The following PHETA1 variants were observed in gnomAD, a reference collection of about 807,000 sequenced individuals.
PHETA1 encodes the protein sesquipedalian-1.
For synonymous variants in PHETA1, 155 were observed against 168.9 expected, an observed-to-expected ratio of 0.92 and a Z score of 0.64; for missense variants, 348 against 373.5, an observed-to-expected ratio of 0.93 and a Z score of 0.56.
intron 1 of PHETA1, among the ~76,000 whole-genome samples, chr12:111,366,997 G>T (rs559656547): frequency 1.3e-5 from 2 of 150,834 alleles, no homozygotes; most frequent in South Asian, 4.2e-4. Flanking sequence ...GAACTTGGGG[G>T]GTGACATAGT....
chr12:111,362,802 C>A lies in PHETA1; in HGVS notation c.626G>T (p.Arg209Leu). The change falls in exon 3 of 3, where the codon CGC (arginine) becomes CTC (leucine). Residue 209 changes from arginine to leucine, a missense_variant. By Grantham distance (102) the Arg-to-Leu change is moderately radical. Transcript: ENST00000683047. ...PGPEPPPPPP[R>L]RRASAPHGPL... ...CCCGTGGGGTGCCGAGGCCCGGCGGCGAGGCGGTGGTGGAGGGGGCTCGGG... is the reference window on the plus strand; with the variant it reads ...CCCGTGGGGTGCCGAGGCCCGGCGGAGAGGCGGTGGTGGAGGGGGCTCGGG... 1 of 1,538,766 alleles carries A rather than the reference C, an allele frequency of 6.5e-7. No homozygotes were observed. Among genetic ancestry groups the A allele is most frequent in the Non-Finnish European group, 8.7e-7 (1 of 1,145,142 alleles).
rs1868619232 is a variant in PHETA1, at chr12:111,361,790, T to C, written c.*888A>G. 3 of 419,904 alleles carry C rather than the reference T, an allele frequency of 7.1e-6. No individual in the cohort carries two copies. The highest frequency in any genetic ancestry group is 5.4e-5 in the Admixed American group (2 of 36,922). The allele number at this position is 419,904 out of a possible 1,614,324, so 26.0% of individuals were successfully genotyped here. ...GAGTCAGCTGGTGGCCTCCCCTCCC[T>C]GGGGGAACCTGCTAGAAGGTCACCT... is the stretch of plus-strand genomic sequence containing the variant. On this transcript the variant is annotated 3_prime_UTR_variant, in exon 3 of 3. Coordinates refer to ENST00000683047, the MANE Select transcript of PHETA1 (RefSeq NM_144671.6).
chr12:111,364,263 C>G (rs1395252383), intron 2 of PHETA1, among the ~76,000 whole-genome samples: 1 of 151,692 alleles, frequency 6.6e-6, no homozygotes, highest in African/African-American at 2.4e-5. Flanking sequence ...AGGAGAATCA[C>G]CTAAACCCAG....
Position 111,362,863 on chromosome 12 carries a change from C to T in PHETA1, c.565G>A (p.Ala189Thr), listed in dbSNP as rs1268567999. The T allele has an allele frequency of 5.9e-6, 9 of 1,536,390 alleles. No individual in the cohort carries two copies. Among genetic ancestry groups the T allele is most frequent in the Non-Finnish European group, 4.4e-6 (5 of 1,145,134 alleles). ...AAGGTGGCCTCAGTGCTCCAGACAG[C>T]GCAGCCATTCTCCTTGGGCGGGAGG... ...SALPPKENGC[A>T]VWSTEATFRP... is the part of the protein sequence containing the mutation. The change falls in exon 3 of 3, where the codon GCT (alanine) becomes ACT (threonine). Residue 189 changes from alanine to threonine, a missense_variant. By Grantham distance (58) the Ala-to-Thr change is moderately conservative. Transcript: ENST00000683047.
chr12:111,365,079 A>G (rs981372206), intron 2 of PHETA1, among the ~76,000 whole-genome samples: 10 of 152,130 alleles, frequency 6.6e-5, no homozygotes, highest in Admixed American at 5.2e-4. Context: ...TCCCCCAAGG[A>G]GTATATGATG....
rs2135511930 is a variant in PHETA1 at position 111,368,895 on chromosome 12, C to G, written c.-182+17G>C. 6.6e-6 allele frequency: 1 copy of G among 152,406 alleles called. No homozygotes were observed. The highest frequency in any genetic ancestry group is 1.5e-5 in the Non-Finnish European group (1 of 68,088). The allele number at this position is 152,406 out of a possible 1,614,324, so 9.4% of individuals were successfully genotyped here. On this transcript the variant is annotated intron_variant, in intron 1 of 2. Transcript: ENST00000683047. This position sits in a 1 kb window ranked among gnomAD's most constrained non-coding sequence, Gnocchi z 5.0. ...TCCCATGTCCTCGTGCATGTCCCCC[C>G]GCCAGGCCCGCCTTACCTCGCAGCG...
chr12:111,363,730 G>A lies in PHETA1; in HGVS notation c.-36-267C>T. 3 of 1,502,436 alleles carry A rather than the reference G, an allele frequency of 2.0e-6. No homozygotes were observed. In the South Asian group the frequency reaches 3.6e-5, roughly 18 times the overall value. 93.1% of individuals were successfully genotyped at this position (1,502,436 alleles called of 1,614,324 possible). ...ATAATGTTGTGAGTTCCTGCTGCAT[G>A]CCAGACATTTCAGAGGAATGAACTC... is the stretch of plus-strand genomic sequence containing the variant. On this transcript the variant is annotated intron_variant, in intron 2 of 2. Transcript: ENST00000683047. The surrounding 1 kb of genome is among the most constrained non-coding windows in gnomAD (Gnocchi z 7.4).
rs1013818728 is a variant in PHETA1 at position 111,361,075 on chromosome 12, CCT to C, written c.*1601_*1602del. 1 of 152,178 alleles carries C rather than the reference CCT, an allele frequency of 6.6e-6. No homozygotes were observed. Among genetic ancestry groups the C allele is most frequent in the Non-Finnish European group, 1.5e-5 (1 of 68,096 alleles). 9.4% of individuals were successfully genotyped at this position (152,178 alleles called of 1,614,324 possible). A position where few individuals can be genotyped will look rare whatever the true frequency, so the allele number is the denominator to read the frequency against. ...GAAGACAATGAAGCAGCCAAGGATC[CCT>C]CTCGAGGGGCTCTGTCTCTGGCTGT... On this transcript the variant is annotated 3_prime_UTR_variant, in exon 3 of 3. Coordinates refer to ENST00000683047, the MANE Select transcript of PHETA1 (RefSeq NM_144671.6).
At position 111,362,431 on chromosome 12, in the gene PHETA1, T is replaced by G; in HGVS notation, c.*247A>C. 9 of 1,026,024 alleles carry G rather than the reference T, an allele frequency of 8.8e-6. No individual in the cohort carries two copies. The highest frequency in any genetic ancestry group is 1.1e-5 in the Non-Finnish European group (8 of 729,600). 63.6% of individuals were successfully genotyped at this position (1,026,024 alleles called of 1,614,324 possible). ...GGAAACCTCCCCCTCAGGCCCTGGATTCTCCTTAGTGTTGCACGTGACGTT... is the reference window on the plus strand; with the variant it reads ...GGAAACCTCCCCCTCAGGCCCTGGAGTCTCCTTAGTGTTGCACGTGACGTT... On this transcript the variant is annotated 3_prime_UTR_variant, in exon 3 of 3. Transcript: ENST00000683047.
At position 111,367,702 on chromosome 12, in the gene PHETA1, C is replaced by T. The variant is rs1869115716; in HGVS notation, c.-182+1210G>A. 6.6e-6 allele frequency among the ~76,000 whole-genome samples: 1 copy of T among 152,246 alleles called. No individual in the cohort carries two copies. The highest frequency in any genetic ancestry group is 1.5e-5 in the Non-Finnish European group (1 of 68,040). On this transcript the variant is annotated intron_variant, in intron 1 of 2. Transcript: ENST00000683047. This position sits in a 1 kb window ranked among gnomAD's most constrained non-coding sequence, Gnocchi z 4.0. Reference sequence around the variant, plus strand: ...GGTCACCAGCAGGCACAGGACCCAGCTCTGCCCATGACCCCTGCCTCCACC... The same window carrying T: ...GGTCACCAGCAGGCACAGGACCCAGTTCTGCCCATGACCCCTGCCTCCACC...
Position 111,361,994 on chromosome 12 carries a change from T to A in PHETA1, c.*684A>T, listed in dbSNP as rs1868634748. The A allele has an allele frequency of 2.2e-6, 1 of 455,870 alleles. No individual in the cohort carries two copies. The highest frequency in any genetic ancestry group is 1.5e-5 in the South Asian group (1 of 64,546). The allele number at this position is 455,870 out of a possible 1,614,324, so 28.2% of individuals were successfully genotyped here. A position where few individuals can be genotyped will look rare whatever the true frequency, so the allele number is the denominator to read the frequency against. ...GCCACTGCCACCAGGAGCACCACCA[T>A]GAGGCCTGGCAGGGGACTTTTGGCA... On this transcript the variant is annotated 3_prime_UTR_variant, in exon 3 of 3. Transcript: ENST00000683047.
Position 111,367,816 on chromosome 12 carries a change from T to G in PHETA1, c.-182+1096A>C, listed in dbSNP as rs1055607652. Among the ~76,000 whole-genome samples, 1 of 152,284 alleles carries G rather than the reference T, an allele frequency of 6.6e-6. No homozygotes were observed. Among genetic ancestry groups the G allele is most frequent in the African/African-American group, 2.4e-5 (1 of 41,562 alleles). The stretch of plus-strand genomic sequence containing the variant: ...GCCCCTGCCTTATCTCCCCACACTG[T>G]TTTCCAAGAAGTTCAGAGTCCACTG... On this transcript the variant is annotated intron_variant, in intron 1 of 2. Coordinates refer to ENST00000683047, the MANE Select transcript of PHETA1 (RefSeq NM_144671.6). The surrounding 1 kb of genome is among the most constrained non-coding windows in gnomAD (Gnocchi z 4.0).
At position 111,361,803 on chromosome 12, in the gene PHETA1, T is replaced by C; in HGVS notation, c.*875A>G. ...GCCTCCCCTCCCTGGGGGAACCTGC[T>C]AGAAGGTCACCTCGGGCCATGGCTA... On this transcript the variant is annotated 3_prime_UTR_variant, in exon 3 of 3. Transcript: ENST00000683047. The C allele has an allele frequency of 2.3e-6, 1 of 440,890 alleles. No homozygotes were observed. The highest frequency in any genetic ancestry group is 1.6e-5 in the South Asian group (1 of 63,284). The allele number at this position is 440,890 out of a possible 1,614,324, so 27.3% of individuals were successfully genotyped here. A position where few individuals can be genotyped will look rare whatever the true frequency, so the allele number is the denominator to read the frequency against.
chr12:111,363,374 C>T lies in PHETA1; in HGVS notation c.54G>A (p.Val18=). 2.5e-6 allele frequency: 4 copies of T among 1,613,030 alleles called. No homozygotes were observed. Among genetic ancestry groups the T allele is most frequent in the Non-Finnish European group, 3.4e-6 (4 of 1,179,896 alleles). ...TCTTGTACAGGAAGCCTGCATTGTC[C>T]ACCGGGGCGTCACAGGTGGCGTAGA... The part of the protein sequence containing the change: ...LAFYATCDAP[V]DNAGFLYKKG... The change falls in exon 3 of 3, where the codon GTG becomes GTA. Residue 18 remains valine (V), a synonymous_variant. Coordinates refer to ENST00000683047, the MANE Select transcript of PHETA1 (RefSeq NM_144671.6). This position sits in a 1 kb window ranked among gnomAD's most constrained non-coding sequence, Gnocchi z 7.4.
Position 111,363,608 on chromosome 12 carries a change from G to A in PHETA1, c.-36-145C>T, listed in dbSNP as rs149514597. The A allele has an allele frequency of 4.3e-5, 66 of 1,533,380 alleles. No individual in the cohort carries two copies. In the Middle Eastern group the frequency reaches 1.7e-3, roughly 39 times the overall value. 95.0% of individuals were successfully genotyped at this position (1,533,380 alleles called of 1,614,324 possible). A position where few individuals can be genotyped will look rare whatever the true frequency, so the allele number is the denominator to read the frequency against. On this transcript the variant is annotated intron_variant, in intron 2 of 2. Coordinates refer to ENST00000683047, the MANE Select transcript of PHETA1 (RefSeq NM_144671.6). The surrounding 1 kb of genome is among the most constrained non-coding windows in gnomAD (Gnocchi z 7.4). ...TAGGGTGGAAGCAGCTGGCCTATGC[G>A]CCCACAACTCCTAAGAAGCAGAGAC...
At chr12:111,366,973 T>TGGAA (rs530899313) in intron 1 of PHETA1, among the ~76,000 whole-genome samples, 11 of 145,502 alleles carry the variant, frequency 7.6e-5, no homozygotes, top group Non-Finnish European at 1.2e-4. Flanking sequence ...GAGGCTAACA[T>TGGAA]GGAAGGACCC....
chr12:111,363,106 G>T lies in PHETA1; in HGVS notation c.322C>A (p.Leu108Met). 1 of 1,602,424 alleles carries T rather than the reference G, an allele frequency of 6.2e-7. No individual in the cohort carries two copies. Among genetic ancestry groups the T allele is most frequent in the Non-Finnish European group, 8.5e-7 (1 of 1,176,770 alleles). Reference sequence around the variant, plus strand: ...AGGTAGTCGAAGCTGGCACGCGACAGGGCCTTGACCCAGCCCTCCATGGCA... The same window carrying T: ...AGGTAGTCGAAGCTGGCACGCGACATGGCCTTGACCCAGCCCTCCATGGCA... ...QDAMEGWVKA[L>M]SRASFDYLRL... is the part of the protein sequence containing the mutation. The change falls in exon 3 of 3, where the codon CTG (leucine) becomes ATG (methionine). Residue 108 changes from leucine to methionine, a missense_variant. By Grantham distance (15) the Leu-to-Met change is conservative. Transcript: ENST00000683047. This position sits in a 1 kb window ranked among gnomAD's most constrained non-coding sequence, Gnocchi z 7.4.
At chr12:111,366,819 T>C (rs1847891620) in intron 1 of PHETA1, among the ~76,000 whole-genome samples, 1 of 152,002 alleles carries the variant, frequency 6.6e-6, no homozygotes, top group Admixed American at 6.6e-5. Context: ...ACACCTGTAA[T>C]GCTGGCACTT....
chr12:111,362,123 T>G lies in PHETA1; in HGVS notation c.*555A>C, dbSNP rs1328998351. ...GCACCTGTGTCCCCAGTCACTACCC[T>G]CCCAGCCACCGTCCTGCTCCTGGAG... On this transcript the variant is annotated 3_prime_UTR_variant, in exon 3 of 3. Transcript: ENST00000683047. 1 of 407,240 alleles carries G rather than the reference T, an allele frequency of 2.5e-6. No homozygotes were observed. Among genetic ancestry groups the G allele is most frequent in the East Asian group, 7.1e-5 (1 of 13,996 alleles). 25.2% of individuals were successfully genotyped at this position (407,240 alleles called of 1,614,324 possible).
Sources: allele counts gnomAD v4.1 joint callset (sites outside exome capture counted in the v4.1 genomes callset), GRCh38; gene constraint gnomAD v4.1.1; non-coding constraint Gnocchi (gnomAD v3.1); transcripts MANE v1.5; gene names NCBI Gene and HGNC (gene_info 2026-07-23, HGNC 2026-07-21).